Variants in PIK3CG observed in about 807,000 individuals in gnomAD.
The protein encoded by PIK3CG is phosphatidylinositol-4,5-bisphosphate 3-kinase catalytic subunit gamma.
Under a neutral mutation model 102.3 loss-of-function variants are expected in PIK3CG, and 55 were observed. That is an observed-to-expected ratio of 0.54 (90% CI 0.43 to 0.67). The LOEUF (loss-of-function observed/expected upper bound fraction) is 0.67. Among genes scored for constraint, PIK3CG ranks in the 30% least tolerant of loss-of-function variants. The pLI, the probability that PIK3CG is intolerant of heterozygous loss-of-function variation, is 0.00. For synonymous variants in PIK3CG, 552 were observed against 540.0 expected (o/e 1.02, Z -0.31); for missense variants, 1,258 against 1,391.8 (o/e 0.90, Z 1.53).
In PIK3CG at chr7:106,903,582, T is replaced by G. The variant is rs1038587078; in HGVS notation, c.3031-1527T>G. The stretch of plus-strand genomic sequence containing the variant: ...TTACCATTGATTTTAGCATCTGTTT[T>G]TGCATTTTACTTTCCAACTTGTGGA... On this transcript the variant is annotated intron_variant, in intron 10 of 10. Coordinates refer to ENST00000496166, the MANE Select transcript of PIK3CG (RefSeq NM_001282426.2). The surrounding 1 kb of genome is among the most constrained non-coding windows in gnomAD (Gnocchi z 4.3). Among the ~76,000 whole-genome samples the G allele has an allele frequency of 6.6e-6, 1 of 151,926 alleles. No homozygotes were observed. The highest frequency in any genetic ancestry group is 2.4e-5 in the African/African-American group (1 of 41,434).
rs149742539 is a variant in PIK3CG, at chr7:106,868,554, A to G, written c.993A>G (p.Gly331=). ...GGCCACTGGTGGATGACTGCACGGG[A>G]GTCACCGGCTACCATGAGCAGCTTA... The part of the protein sequence containing the change: ...EEWPLVDDCT[G]VTGYHEQLTI... The change falls in exon 2 of 11, where the codon GGA becomes GGG. Residue 331 remains glycine (G), a synonymous_variant. Transcript: ENST00000496166. The surrounding 1 kb of genome is among the most constrained non-coding windows in gnomAD (Gnocchi z 6.2). 6.2e-7 allele frequency: 1 copy of G among 1,614,062 alleles called. No individual in the cohort carries two copies. The highest frequency in any genetic ancestry group is 8.5e-7 in the Non-Finnish European group (1 of 1,180,020).
At chr7:106,882,320 A>G in intron 7 of PIK3CG, 113 bp downstream of exon 7, 1 of 445,518 alleles carries the variant, frequency 2.2e-6, no homozygotes, top group Non-Finnish European at 4.0e-6. Flanking sequence ...TCTGTATAAA[A>G]AGGAAGAAAA....
rs1222156502 is a variant in PIK3CG at position 106,886,276 on chromosome 7, A to G, written c.3014A>G (p.His1005Arg). 2 of 1,613,980 alleles carry G rather than the reference A, an allele frequency of 1.2e-6. No homozygotes were observed. Among genetic ancestry groups the G allele is most frequent in the East Asian group, 2.2e-5 (1 of 44,892 alleles). ...MGTSGKKTSPHFQKFQDICVK... is the reference protein window; with the variant it reads ...MGTSGKKTSPRFQKFQDICVK... ...ACTTCTGGAAAGAAGACAAGCCCAC[A>G]CTTCCAGAAATTTCAGGTAAGTCAC... Residue 1005 changes from histidine (H) to arginine (R), a missense_variant, in exon 10 of 11, where the codon CAC becomes CGC. This residue lies in a region of PIK3CG where 426 missense variants were observed against 604.2 expected (regional missense o/e 0.71). Coordinates refer to ENST00000496166, the MANE Select transcript of PIK3CG (RefSeq NM_001282426.2).
At chr7:106,904,898 G>A (rs1286337815) in intron 10 of PIK3CG, among the ~76,000 whole-genome samples, 1 of 152,104 alleles carries the variant, frequency 6.6e-6, no homozygotes, top group Non-Finnish European at 1.5e-5. Flanking sequence ...AGTTTTCCTT[G>A]AGCACTCCCT....
chr7:106,907,781 T>TATATATAAACATATATATGCTA lies in PIK3CG; in HGVS notation c.*2401_*2402insAACATATATATGCTAATATATA, dbSNP rs1791727131. On this transcript the variant is annotated 3_prime_UTR_variant, in exon 11 of 11. Transcript: ENST00000496166. ...TATATATATAACATATATATGCTAA[T>TATATATAAACATATATATGCTA]ATATATATATCACACATATATATCA... is the stretch of plus-strand genomic sequence containing the variant. Among the ~76,000 whole-genome samples the TATATATAAACATATATATGCTA allele has an allele frequency of 1.4e-5, 2 of 147,504 alleles. No individual in the cohort carries two copies. Among genetic ancestry groups the TATATATAAACATATATATGCTA allele is most frequent in the Admixed American group, 1.4e-4 (2 of 14,638 alleles).
rs2116609927 is a variant in PIK3CG at position 106,902,130 on chromosome 7, G to T, written c.3031-2979G>T. Among the ~76,000 whole-genome samples, 1 of 152,278 alleles carries T rather than the reference G, an allele frequency of 6.6e-6. No individual in the cohort carries two copies. On this transcript the variant is annotated intron_variant, in intron 10 of 10. Coordinates refer to ENST00000496166, the MANE Select transcript of PIK3CG (RefSeq NM_001282426.2). The surrounding 1 kb of genome is among the most constrained non-coding windows in gnomAD (Gnocchi z 4.3). ...ACTTTGGTATTGGTTGTGGCCAAGG[G>T]TCATTTGCTTGTCACCTGGGGACTC...
Position 106,872,590 on chromosome 7 carries a change from G to T in PIK3CG, c.2049G>T (p.Lys683Asn), listed in dbSNP as rs1444356091. The change falls in exon 3 of 11, where the codon AAG becomes AAT. Residue 683 changes from lysine to asparagine, a missense_variant. Transcript: ENST00000496166. This position sits in a 1 kb window ranked among gnomAD's most constrained non-coding sequence, Gnocchi z 5.3. Reference sequence around the variant, plus strand: ...GCGCCCTTGCCAGATTTCTGCTGAAGCGTGGTTTAAGAGTAAGTACTTCCA... The same window carrying T: ...GCGCCCTTGCCAGATTTCTGCTGAATCGTGGTTTAAGAGTAAGTACTTCCA... ...HDSALARFLL[K>N]RGLRNKRIGH... 1.2e-6 allele frequency: 2 copies of T among 1,613,886 alleles called. No homozygotes were observed. Among genetic ancestry groups the T allele is most frequent in the Non-Finnish European group, 1.7e-6 (2 of 1,179,746 alleles).
intron 10 of PIK3CG, among the ~76,000 whole-genome samples, chr7:106,889,918 G>A (rs1417038958): frequency 1.3e-5 from 2 of 152,158 alleles, no homozygotes; most frequent in Non-Finnish European, 2.9e-5. Flanking sequence ...TTAGCCATTG[G>A]AGCAGCATCC....
At position 106,886,437 on chromosome 7, in the gene PIK3CG, C is replaced by T. The variant is rs190350732; in HGVS notation, c.3030+145C>T. 2.0e-4 allele frequency: 129 copies of T among 643,346 alleles called. No individual in the cohort carries two copies. The East Asian group carries it at 2.8e-3, about 14-fold the overall frequency. 39.9% of individuals were successfully genotyped at this position (643,346 alleles called of 1,614,324 possible). ...CTTCTGGCATGGCCAACCCTACCTC[C>T]TCCCTTTCACTTCCATTCATTCCTT... On this transcript the variant is annotated intron_variant, in intron 10 of 10. Transcript: ENST00000496166.
rs1790576492 is a variant in PIK3CG at position 106,872,713 on chromosome 7, A to T, written c.2062A>T (p.Asn688Tyr). 1 of 1,613,548 alleles carries T rather than the reference A, an allele frequency of 6.2e-7. No homozygotes were observed. The highest frequency in any genetic ancestry group is 1.3e-5 in the African/African-American group (1 of 74,924). The change falls in exon 4 of 11, where the codon AAC becomes TAC. Residue 688 changes from asparagine (N) to tyrosine (Y), a missense_variant and splice_region_variant. Asn to Tyr is a moderately radical substitution (Grantham distance 143). Around this residue, in one of 2 missense-constraint regions of PIK3CG, gnomAD observed 426 missense variants for 604.2 expected, o/e 0.71. Coordinates refer to ENST00000496166, the MANE Select transcript of PIK3CG (RefSeq NM_001282426.2). The surrounding 1 kb of genome is among the most constrained non-coding windows in gnomAD (Gnocchi z 5.3). ...TCAACTTTCTTGTACCTGCCCTCAG[A>T]ACAAAAGAATTGGTCACTTTTTGTT... ...ARFLLKRGLRNKRIGHFLFWF... is the reference protein window; with the variant it reads ...ARFLLKRGLRYKRIGHFLFWF...
chr7:106,901,509 T>C (rs1053803587), intron 10 of PIK3CG, among the ~76,000 whole-genome samples: 1 of 152,236 alleles, frequency 6.6e-6, no homozygotes, highest in African/African-American at 2.4e-5. Flanking sequence ...GCCATCCTCC[T>C]GAATCTCAAT....
rs1384397594 is a variant in PIK3CG, at chr7:106,905,925, C to A, written c.*538C>A. On this transcript the variant is annotated 3_prime_UTR_variant, in exon 11 of 11. Coordinates refer to ENST00000496166, the MANE Select transcript of PIK3CG (RefSeq NM_001282426.2). This position sits in a 1 kb window ranked among gnomAD's most constrained non-coding sequence, Gnocchi z 5.6. ...GAAAGCGAGTTAGTCTTTTCAGTGT[C>A]TTTTGCAATTCAATTCTTTTGTCAT... is the stretch of plus-strand genomic sequence containing the variant. 1 of 231,312 alleles carries A rather than the reference C, an allele frequency of 4.3e-6. No individual in the cohort carries two copies. Among genetic ancestry groups the A allele is most frequent in the East Asian group, 6.2e-5 (1 of 16,126 alleles). The allele number at this position is 231,312 out of a possible 1,614,324, so 14.3% of individuals were successfully genotyped here.
Position 106,905,643 on chromosome 7 carries a change from G to A in PIK3CG, c.*256G>A, listed in dbSNP as rs565930791. On this transcript the variant is annotated 3_prime_UTR_variant, in exon 11 of 11. Transcript: ENST00000496166. The surrounding 1 kb of genome is among the most constrained non-coding windows in gnomAD (Gnocchi z 5.6). ...GTCTGTGGCATTGGAGAATATTCTC[G>A]GTTTAAACAGACTAATGACTTCCTT... 8.1e-5 allele frequency: 38 copies of A among 467,488 alleles called. No homozygotes were observed. Among genetic ancestry groups the A allele is most frequent in the Non-Finnish European group, 1.1e-4 (29 of 263,658 alleles). 29.0% of individuals were successfully genotyped at this position (467,488 alleles called of 1,614,324 possible). A position where few individuals can be genotyped will look rare whatever the true frequency, so the allele number is the denominator to read the frequency against.
Position 106,903,036 on chromosome 7 carries a change from C to T in PIK3CG, c.3031-2073C>T, listed in dbSNP as rs546330245. ...AATGATGAGCCACTTGTCCTGGTCC[C>T]ATTTATCAAATAATAGATCTTTTCC... On this transcript the variant is annotated intron_variant, in intron 10 of 10. Transcript: ENST00000496166. The surrounding 1 kb of genome is among the most constrained non-coding windows in gnomAD (Gnocchi z 4.3). Among the ~76,000 whole-genome samples, 37 of 152,158 alleles carry T rather than the reference C, an allele frequency of 2.4e-4. No homozygotes were observed. Among genetic ancestry groups the T allele is most frequent in the African/African-American group, 5.5e-4 (23 of 41,538 alleles).
rs1171181215 is a variant in PIK3CG, at chr7:106,879,277, T to C, written c.2392-242T>C. Among the ~76,000 whole-genome samples, 2 of 152,226 alleles carry C rather than the reference T, an allele frequency of 1.3e-5. No individual in the cohort carries two copies. Among genetic ancestry groups the C allele is most frequent in the South Asian group, 2.1e-4 (1 of 4,832 alleles). ...ACCTCTTAGGCACTTCCAAAGACTC[T>C]TGTGGTTCTTTGGAGCACAGTTTGA... On this transcript the variant is annotated intron_variant, in intron 5 of 10. Transcript: ENST00000496166. This position sits in a 1 kb window ranked among gnomAD's most constrained non-coding sequence, Gnocchi z 4.9.
rs983286743 is a variant in PIK3CG at position 106,894,267 on chromosome 7, C to A, written c.3030+7975C>A. On this transcript the variant is annotated intron_variant, in intron 10 of 10. Transcript: ENST00000496166. This position sits in a 1 kb window ranked among gnomAD's most constrained non-coding sequence, Gnocchi z 4.4. Reference sequence around the variant, plus strand: ...AATCACACACACACACACAGACACACACACACACCCCTACGTGCACGCTAT... The same window carrying A: ...AATCACACACACACACACAGACACAAACACACACCCCTACGTGCACGCTAT... Among the ~76,000 whole-genome samples, 24 of 152,148 alleles carry A rather than the reference C, an allele frequency of 1.6e-4. No individual in the cohort carries two copies. The highest frequency in any genetic ancestry group is 5.3e-4 in the African/African-American group (22 of 41,424).
chr7:106,882,231 A>G (rs1038697832), intron 7 of PIK3CG, 24 bp downstream of exon 7: 1 of 1,141,674 alleles, frequency 8.8e-7, no homozygotes, highest in South Asian at 1.5e-5. Flanking sequence ...TCAGGAGATG[A>G]ATAGACCTCT....
chr7:106,875,994 A>C (rs1343265262), intron 5 of PIK3CG, among the ~76,000 whole-genome samples: 1 of 144,064 alleles, frequency 6.9e-6, no homozygotes, highest in African/African-American at 2.6e-5. Flanking sequence ...GGCTCACTGC[A>C]AGCTCCGCTT....
At chr7:106,889,278 T>C (rs1791207813) in intron 10 of PIK3CG, among the ~76,000 whole-genome samples, 1 of 152,212 alleles carries the variant, frequency 6.6e-6, no homozygotes, top group African/African-American at 2.4e-5. Context: ...ATATGCAGAA[T>C]TTCCAAAGTT....
Sources: gnomAD v4.1 joint callset for allele counts (sites outside exome capture counted in the v4.1 genomes callset) on GRCh38, gnomAD v4.1.1 for gene constraint, gnomAD v4.1.1 regional missense constraint, Gnocchi (gnomAD v3.1) non-coding constraint, MANE v1.5 for transcripts, NCBI Gene and HGNC (gene_info 2026-07-23, HGNC 2026-07-21) for gene names.